Variants in PAFAH1B1 observed in about 807,000 individuals in gnomAD.
PAFAH1B1 encodes the protein platelet-activating factor acetylhydrolase IB subunit beta.
PAFAH1B1 carries 2 observed loss-of-function variants against 57.5 expected under a neutral mutation model. The observed-to-expected ratio is 0.03, with a 90% CI of 0.01 to 0.11. The LOEUF (loss-of-function observed/expected upper bound fraction) is 0.11, where lower values mean the gene tolerates loss of function less well. Ranked by LOEUF, PAFAH1B1 falls within the 10% of genes least tolerant of loss-of-function variation. PAFAH1B1 has a pLI of 1.00. For missense variants in PAFAH1B1, 257 were observed against 512.0 expected (o/e 0.50, Z 4.81); for synonymous variants, 152 against 169.6 (o/e 0.90, Z 0.81).
intron 1 of PAFAH1B1, among the ~76,000 whole-genome samples, chr17:2,623,941 C>T (rs2068456505): frequency 1.3e-5 from 2 of 152,204 alleles, no homozygotes; most frequent in Non-Finnish European, 1.5e-5. Context: ...CCCCTGGTTG[C>T]TCTGCTTCCC....
chr17:2,594,408 C>T (rs2068060722), intron 1 of PAFAH1B1, among the ~76,000 whole-genome samples: 1 of 152,218 alleles, frequency 6.6e-6, no homozygotes, highest in Non-Finnish European at 1.5e-5. Flanking sequence ...GCTCTCTGAT[C>T]TTGGGGAAAA....
At chr17:2,656,825 A>T (rs1299357456) in intron 2 of PAFAH1B1, among the ~76,000 whole-genome samples, 3 of 152,108 alleles carry the variant, frequency 2.0e-5, no homozygotes, top group African/African-American at 7.2e-5. Flanking sequence ...TTTTAAAATT[A>T]CTGTTTTCAT....
At chr17:2,666,143 C>A in intron 4 of PAFAH1B1, 53 bp downstream of exon 4, 1 of 1,292,458 alleles carries the variant, frequency 7.7e-7, no homozygotes, top group Non-Finnish European at 1.1e-6. Flanking sequence ...TATAAACTTT[C>A]TGAAAATAAC....
chr17:2,614,822 A>G (rs757842936), intron 1 of PAFAH1B1, among the ~76,000 whole-genome samples: 6 of 152,146 alleles, frequency 3.9e-5, no homozygotes, highest in Non-Finnish European at 7.3e-5. Flanking sequence ...TTCTGGCCTC[A>G]AGCAATCCTC....
At chr17:2,659,914 GTA>G (rs1465261426) in intron 2 of PAFAH1B1, among the ~76,000 whole-genome samples, 1 of 152,164 alleles carries the variant, frequency 6.6e-6, no homozygotes, top group Non-Finnish European at 1.5e-5. Context: ...ATGATCCCCT[GTA>G]TATCTCTGCC....
intron 2 of PAFAH1B1, among the ~76,000 whole-genome samples, chr17:2,649,611 A>G (rs1446085518): frequency 6.6e-6 from 1 of 152,130 alleles, no homozygotes; most frequent in African/African-American, 2.4e-5. Context: ...GTTGTTGGAT[A>G]ATATAGTAGA....
intron 1 of PAFAH1B1, among the ~76,000 whole-genome samples, chr17:2,637,780 AAG>A (rs932619577): frequency 1.3e-5 from 2 of 152,190 alleles, no homozygotes; most frequent in African/African-American, 4.8e-5. Flanking sequence ...TTTTGTCTCT[AAG>A]AGAGAATTAC....
At chr17:2,679,483 TG>T (rs1480637241) in intron 9 of PAFAH1B1, among the ~76,000 whole-genome samples, 754 of 8,300 alleles carry the variant, frequency 0.091, 9 homozygotes, top group South Asian at 0.21. Flanking sequence ...GATGATTGGA[TG>T]GATGGATGGA....
chr17:2,617,630 G>A (rs918442169), intron 1 of PAFAH1B1, among the ~76,000 whole-genome samples: 2 of 152,240 alleles, frequency 1.3e-5, no homozygotes, highest in East Asian at 3.9e-4. Flanking sequence ...AAGTCTCAGT[G>A]TTTGAGGCCA....
intron 1 of PAFAH1B1, among the ~76,000 whole-genome samples, chr17:2,618,153 C>G (rs1237778656): frequency 6.6e-6 from 1 of 151,742 alleles, no homozygotes; most frequent in African/African-American, 2.4e-5. Context: ...GAAGCTGAGT[C>G]AGGAGAATCG....
At chr17:2,618,605 ATTATAGTATAGTGTT>A (rs1238021714) in intron 1 of PAFAH1B1, among the ~76,000 whole-genome samples, 9 of 152,054 alleles carry the variant, frequency 5.9e-5, no homozygotes, top group Non-Finnish European at 1.3e-4. Flanking sequence ...ATTTGACTGC[ATTATAGTATAGTGTT>A]AATGATGGAG....
chr17:2,667,329 G>T, intron 5 of PAFAH1B1, 131 bp downstream of exon 5: 1 of 652,742 alleles, frequency 1.5e-6, no homozygotes, highest in East Asian at 2.9e-5. Flanking sequence ...GCCACACTCT[G>T]TCTCAAAAAA....
intron 2 of PAFAH1B1, among the ~76,000 whole-genome samples, chr17:2,658,924 C>A (rs570187038): frequency 1.3e-5 from 2 of 152,218 alleles, no homozygotes; most frequent in South Asian, 4.1e-4. Context: ...GCTGCCCTTT[C>A]CCTGAAGAGT....
At chr17:2,648,488 C>T (rs944298314) in intron 2 of PAFAH1B1, among the ~76,000 whole-genome samples, 5 of 151,892 alleles carry the variant, frequency 3.3e-5, no homozygotes, top group Admixed American at 2.0e-4. Flanking sequence ...ACCAGCCTGG[C>T]CAACATGGTG....
At chr17:2,674,037 T>G in intron 7 of PAFAH1B1, 23 bp from the exon 8 acceptor site, 1 of 1,505,536 alleles carries the variant, frequency 6.6e-7, no homozygotes. Context: ...ATTCACAGTG[T>G]AAGTTATTAT....
chr17:2,608,468 C>T (rs2068230431), intron 1 of PAFAH1B1, among the ~76,000 whole-genome samples: 1 of 152,154 alleles, frequency 6.6e-6, no homozygotes, highest in East Asian at 1.9e-4. Context: ...GACAATGCTG[C>T]AGTGAACATA....
At chr17:2,650,639 C>CAAAA (rs10582467) in intron 2 of PAFAH1B1, among the ~76,000 whole-genome samples, 3 of 108,830 alleles carry the variant, frequency 2.8e-5, no homozygotes, top group Non-Finnish European at 3.8e-5. Context: ...GACTCTGTCT[C>CAAAA]AAAAAAAAAA....
chr17:2,644,400 G>A (rs760014766), intron 2 of PAFAH1B1, among the ~76,000 whole-genome samples: 11 of 152,036 alleles, frequency 7.2e-5, no homozygotes, highest in African/African-American at 2.4e-4. Context: ...AAAATGAGCC[G>A]GGCGTGGTGG....
chr17:2,628,708 C>T (rs548511935), intron 1 of PAFAH1B1, among the ~76,000 whole-genome samples: 3 of 152,180 alleles, frequency 2.0e-5, no homozygotes, highest in Non-Finnish European at 2.9e-5. Flanking sequence ...GCTGTGAATC[C>T]GTCTGGTCCT....
Sources: allele counts gnomAD v4.1 joint callset (sites outside exome capture counted in the v4.1 genomes callset), GRCh38; gene constraint gnomAD v4.1.1; transcripts MANE v1.5; gene names NCBI Gene and HGNC (gene_info 2026-07-23, HGNC 2026-07-21).